DEPDC5: variants seen among roughly 807,000 people sequenced by gnomAD.
DEPDC5 encodes the protein DEP domain containing 5, GATOR1 subcomplex subunit.
Under a neutral mutation model 217.3 loss-of-function variants are expected in DEPDC5, and 73 were observed. The observed-to-expected ratio is 0.34, with a 90% CI of 0.28 to 0.41. The LOEUF (loss-of-function observed/expected upper bound fraction) is 0.41. DEPDC5 is among the 10% of genes least tolerant of loss of function. The pLI, the probability that DEPDC5 is intolerant of heterozygous loss-of-function variation, is 1.00. For synonymous variants in DEPDC5, 733 were observed against 756.7 expected, an observed-to-expected ratio of 0.97 and a Z score of 0.51; for missense variants, 1,675 against 2,070.1, an observed-to-expected ratio of 0.81 and a Z score of 3.70.
rs192773900 is a variant in DEPDC5, at chr22:31,766,197, T to C, written c.280-388T>C. 3.3e-5 allele frequency among the ~76,000 whole-genome samples: 5 copies of C among 152,318 alleles called. No individual in the cohort carries two copies. The East Asian group carries it at 9.6e-4, about 29-fold the overall frequency. On this transcript the variant is annotated intron_variant, in intron 5 of 42. Transcript: ENST00000651528. The stretch of plus-strand genomic sequence containing the variant: ...ATTAAAATACTAACATTTTAAAATG[T>C]ATTCTCATTTTTCTTCAAGAAGTGA...
chr22:31,840,830 TTCCAGCAGGGA>T (rs1252357254), intron 27 of DEPDC5, among the ~76,000 whole-genome samples: 21 of 152,220 alleles, frequency 1.4e-4, no homozygotes, highest in East Asian at 7.7e-4. Context: ...CCAGGCCCTA[TTCCAGCAGGGA>T]ACAGAACAGC....
chr22:31,760,847 T>A, intron 4 of DEPDC5, 145 bp downstream of exon 4: 1 of 689,368 alleles, frequency 1.5e-6, no homozygotes, highest in Non-Finnish European at 2.4e-6. Context: ...ATTCAGGCAG[T>A]ACATGGGAAT....
chr22:31,808,170 A>G (rs2087782651), intron 18 of DEPDC5, among the ~76,000 whole-genome samples: 1 of 151,056 alleles, frequency 6.6e-6, no homozygotes, highest in Non-Finnish European at 1.5e-5. Flanking sequence ...ATCTCGGCTC[A>G]CTGCAACCTC....
chr22:31,833,921 A>G lies in DEPDC5; in HGVS notation c.2111A>G (p.Asn704Ser), dbSNP rs746158462. 6.3e-7 allele frequency: 1 copy of G among 1,588,324 alleles called. No individual in the cohort carries two copies. The highest frequency in any genetic ancestry group is 1.1e-5 in the South Asian group (1 of 88,026). Residue 704 changes from asparagine (N) to serine (S), a missense_variant, in exon 25 of 43, where the codon AAT becomes AGT. Coordinates refer to ENST00000651528, the MANE Select transcript of DEPDC5 (RefSeq NM_001242896.3). Reference sequence around the variant, plus strand: ...TGTTTTTATCTTTCCATAGGTATGAATCCTAGGACCCAGAATAAGGATTCT... The same window carrying G: ...TGTTTTTATCTTTCCATAGGTATGAGTCCTAGGACCCAGAATAAGGATTCT... ...GLLSNSGAGM[N>S]PRTQNKDSLE...
chr22:31,889,455 GTATT>G (rs1266862942), intron 38 of DEPDC5, among the ~76,000 whole-genome samples: 4 of 151,680 alleles, frequency 2.6e-5, no homozygotes, highest in Non-Finnish European at 5.9e-5. Context: ...GCCACTGCTG[GTATT>G]TATTGAATAT....
intron 2 of DEPDC5, among the ~76,000 whole-genome samples, chr22:31,756,971 T>C (rs1302043961): frequency 2.0e-5 from 3 of 151,670 alleles, no homozygotes; most frequent in African/African-American, 7.3e-5. Context: ...CAGATATTTA[T>C]TAGGTGTATA....
At chr22:31,900,078 G>C (rs569040963) in intron 40 of DEPDC5, among the ~76,000 whole-genome samples, 1 of 152,178 alleles carries the variant, frequency 6.6e-6, no homozygotes, top group East Asian at 1.9e-4. Context: ...ATGGAGTCTT[G>C]CTCTGTCGCC....
chr22:31,823,881 T>C (rs1377558032), intron 24 of DEPDC5, among the ~76,000 whole-genome samples: 1 of 152,090 alleles, frequency 6.6e-6, no homozygotes, highest in African/African-American at 2.4e-5. Flanking sequence ...CAGAGTACCT[T>C]TAAGGGATAG....
At position 31,783,940 on chromosome 22, in the gene DEPDC5, ATATT is replaced by A; in HGVS notation, c.522_525del (p.Ile175ArgfsTer2). On this transcript the variant is annotated frameshift_variant, in exon 9 of 43. Transcript: ENST00000651528. LOFTEE classifies it high-confidence loss of function. ...TCGTTCTACGTCGGCTATGGTTTAC[ATATT>A]TATTCAGATGAGCTGTGAAATGTGG... 2 of 1,613,774 alleles carry A rather than the reference ATATT, an allele frequency of 1.2e-6. No individual in the cohort carries two copies. The highest frequency in any genetic ancestry group is 1.7e-6 in the Non-Finnish European group (2 of 1,179,848).
At chr22:31,899,484 G>GTTCAAGTGATTCTCCTGCC (rs1039590243) in intron 40 of DEPDC5, among the ~76,000 whole-genome samples, 4 of 152,060 alleles carry the variant, frequency 2.6e-5, no homozygotes, top group African/African-American at 9.7e-5. Flanking sequence ...CGCCTCCTGG[G>GTTCAAGTGATTCTCCTGCC]TTCAAGTGAT....
intron 40 of DEPDC5, among the ~76,000 whole-genome samples, chr22:31,898,641 G>A (rs1476670403): frequency 6.6e-6 from 1 of 152,212 alleles, no homozygotes; most frequent in African/African-American, 2.4e-5. Flanking sequence ...AGGTGGATTA[G>A]GCCAAGCAAA....
chr22:31,904,821 G>A (rs1431353676), intron 41 of DEPDC5, among the ~76,000 whole-genome samples: 1 of 152,158 alleles, frequency 6.6e-6, no homozygotes, highest in Non-Finnish European at 1.5e-5. Flanking sequence ...GTGCATAGTA[G>A]CCTACCCATT....
chr22:31,870,240 T>C (rs530709638), intron 33 of DEPDC5, among the ~76,000 whole-genome samples: 1 of 152,292 alleles, frequency 6.6e-6, no homozygotes, highest in Admixed American at 6.5e-5. Flanking sequence ...CTATGGAGAT[T>C]TTTCTTTAGT....
rs962696783 is a variant in DEPDC5 at position 31,766,103 on chromosome 22, C to T, written c.280-482C>T. Reference sequence around the variant, plus strand: ...GGCAGTATGTAGGTTGCATTTAAAACCCACCACCACTTTTCTTGAAGCTTG... The same window carrying T: ...GGCAGTATGTAGGTTGCATTTAAAATCCACCACCACTTTTCTTGAAGCTTG... On this transcript the variant is annotated intron_variant, in intron 5 of 42. Coordinates refer to ENST00000651528, the MANE Select transcript of DEPDC5 (RefSeq NM_001242896.3). Among the ~76,000 whole-genome samples, 4 of 152,292 alleles carry T rather than the reference C, an allele frequency of 2.6e-5. No individual in the cohort carries two copies. In the East Asian group the frequency reaches 7.7e-4, roughly 29 times the overall value.
At chr22:31,889,949 T>A (rs929160797) in intron 38 of DEPDC5, among the ~76,000 whole-genome samples, 1 of 152,146 alleles carries the variant, frequency 6.6e-6, no homozygotes, top group Non-Finnish European at 1.5e-5. Flanking sequence ...TCTTTAGCCT[T>A]AAATGTCACA....
At position 31,758,578 on chromosome 22, in the gene DEPDC5, C is replaced by G; in HGVS notation, c.91C>G (p.Pro31Ala). The G allele has an allele frequency of 6.2e-7, 1 of 1,614,098 alleles. No individual in the cohort carries two copies. Among genetic ancestry groups the G allele is most frequent in the Non-Finnish European group, 8.5e-7 (1 of 1,180,024 alleles). Residue 31 changes from proline to alanine, a missense_variant, in exon 3 of 43, where the codon CCT becomes GCT. Transcript: ENST00000651528. ...DELVVNPKVF[P>A]HIKLGDIVEI... ...GCTAGTTGTGAACCCCAAAGTGTTC[C>G]CTCACATCAAGCTTGGAGACATTGT...
chr22:31,883,998 T>C (rs957570736), intron 38 of DEPDC5, among the ~76,000 whole-genome samples: 11 of 152,116 alleles, frequency 7.2e-5, no homozygotes, highest in Admixed American at 4.6e-4. Flanking sequence ...CTGTAACCAA[T>C]TGATCTTGCT....
intron 25 of DEPDC5, chr22:31,836,723 G>A (rs1265670676): frequency 2.1e-6 from 1 of 483,430 alleles, no homozygotes; most frequent in Non-Finnish European, 3.7e-6. Flanking sequence ...AGCAGAAAAT[G>A]AAAAATATCA....
chr22:31,814,228 T>C (rs796523667), intron 20 of DEPDC5: 8 of 152,278 alleles, frequency 5.3e-5, no homozygotes, highest in African/African-American at 1.9e-4. Context: ...TTTTACATGT[T>C]ATTTATTTAT....
Sources: gnomAD v4.1 joint callset for allele counts (sites outside exome capture counted in the v4.1 genomes callset) on GRCh38, gnomAD v4.1.1 for gene constraint, MANE v1.5 for transcripts, NCBI Gene and HGNC (gene_info 2026-07-23, HGNC 2026-07-21) for gene names.